Variants in TBC1D21 observed in about 807,000 individuals in gnomAD.
TBC1D21 encodes male germ cell Rab GTPase-activating protein.
TBC1D21 carries 38 observed loss-of-function variants against 46.0 expected under a neutral mutation model. The observed-to-expected ratio is 0.83, with a 90% confidence interval of 0.64 to 1.08. The LOEUF is 1.08. Ranked by LOEUF, TBC1D21 falls within the 50% of genes least tolerant of loss-of-function variation. TBC1D21 has a pLI of 0.00. For synonymous variants in TBC1D21, 151 were observed against 157.2 expected (o/e 0.96, Z 0.29); for missense variants, 415 against 417.9 (o/e 0.99, Z 0.06).
chr15:73,888,122 T>C (rs1231786878), intron 9 of TBC1D21, among the ~76,000 whole-genome samples: 1 of 152,230 alleles, frequency 6.6e-6, no homozygotes, highest in Non-Finnish European at 1.5e-5. Context: ...CTGAAGTCTT[T>C]GTTGGAAGAA....
the TBC1D21 span, among the ~76,000 whole-genome samples, chr15:73,907,574 G>A: frequency 6.6e-6 from 1 of 152,168 alleles, no homozygotes; most frequent in South Asian, 2.1e-4. Flanking sequence ...GCTAATGTGA[G>A]TTGGGCTTCT....
chr15:73,892,229 C>T (rs1213819156), downstream of TBC1D21, among the ~76,000 whole-genome samples: 1 of 152,222 alleles, frequency 6.6e-6, no homozygotes, highest in Non-Finnish European at 1.5e-5. Context: ...TAAAGCAACT[C>T]TTTGCCTTGC....
chr15:73,886,652 C>A, intron 8 of TBC1D21, 40 bp downstream of exon 8: 1 of 1,579,738 alleles, frequency 6.3e-7, no homozygotes, highest in South Asian at 1.1e-5. Context: ...TGGGCTCCAC[C>A]CATCAGGCAG....
chr15:73,878,016 A>G (rs1844308598), intron 1 of TBC1D21, among the ~76,000 whole-genome samples: 1 of 152,236 alleles, frequency 6.6e-6, no homozygotes, highest in South Asian at 2.1e-4. Flanking sequence ...CAAAGCAAGA[A>G]TGTCTTCTCT....
intron 1 of TBC1D21, among the ~76,000 whole-genome samples, chr15:73,879,543 C>T (rs1158049271): frequency 1.3e-5 from 2 of 151,942 alleles, no homozygotes; most frequent in South Asian, 2.1e-4. Flanking sequence ...TACTTTACTA[C>T]TCATGTGGTT....
the TBC1D21 span, among the ~76,000 whole-genome samples, chr15:73,899,423 C>A: frequency 6.6e-6 from 1 of 152,230 alleles, no homozygotes; most frequent in Non-Finnish European, 1.5e-5. Context: ...CCCCAGGCTG[C>A]ACTCCCAGAG....
chr15:73,884,963 C>T lies in TBC1D21; in HGVS notation c.479-40C>T, dbSNP rs777705824. ...AACCTAAGCCAAGGGTCCAGGCTCT[C>T]CCACCCAGCCCCTCCTCCCCAACCC... On this transcript the variant is annotated intron_variant, in intron 5 of 10. Coordinates refer to ENST00000300504, the MANE Select transcript of TBC1D21 (RefSeq NM_153356.3). 1.9e-6 allele frequency: 3 copies of T among 1,550,552 alleles called. No individual in the cohort carries two copies. In the African/African-American group the frequency reaches 4.1e-5, roughly 21 times the overall value.
At chr15:73,876,494 C>T (rs1461694655) in intron 1 of TBC1D21, among the ~76,000 whole-genome samples, 4 of 151,018 alleles carry the variant, frequency 2.6e-5, no homozygotes, top group African/African-American at 7.3e-5. Context: ...CCACCCGCCT[C>T]GGCCTCCCAA....
chr15:73,889,249 G>T (rs2068315928), downstream of TBC1D21: 2 of 948,690 alleles, frequency 2.1e-6, 1 homozygote, highest in African/African-American at 3.3e-5. Context: ...TTGACCTTAG[G>T]GGCTGGGACG....
At chr15:73,885,831 C>G (rs918771103) in intron 6 of TBC1D21, among the ~76,000 whole-genome samples, 1 of 151,960 alleles carries the variant, frequency 6.6e-6, no homozygotes, top group Non-Finnish European at 1.5e-5. Flanking sequence ...CACACACACA[C>G]ACACACACAC....
intron 4 of TBC1D21, 27 bp downstream of exon 4, chr15:73,884,272 G>A (rs1290378128): frequency 6.2e-7 from 1 of 1,605,670 alleles, no homozygotes; most frequent in East Asian, 2.2e-5. Context: ...GGAGAGGGCT[G>A]GGCAGAGGGA....
chr15:73,889,060 C>T lies in TBC1D21; in HGVS notation c.979-9C>T. 6.2e-7 allele frequency: 1 copy of T among 1,613,534 alleles called. No homozygotes were observed. The highest frequency in any genetic ancestry group is 8.5e-7 in the Non-Finnish European group (1 of 1,179,816). ...ATGTCTGTGCACCTCCCACCTGCCT[C>T]CTCCCTAGGTTCCTCAGACATTAAA... is the stretch of plus-strand genomic sequence containing the variant. On this transcript the variant is annotated splice_polypyrimidine_tract_variant and intron_variant, in intron 10 of 10. Coordinates refer to ENST00000300504, the MANE Select transcript of TBC1D21 (RefSeq NM_153356.3).
At chr15:73,900,491 GTCCTGCTTTC>G in the TBC1D21 span, among the ~76,000 whole-genome samples, 1 of 152,156 alleles carries the variant, frequency 6.6e-6, no homozygotes, top group African/African-American at 2.4e-5. Context: ...CCCCCTACCT[GTCCTGCTTTC>G]TCCTTCTCCC....
At position 73,882,315 on chromosome 15, in the gene TBC1D21, C is replaced by T. The variant is rs988680418; in HGVS notation, c.272+568C>T. ...AAACTTCCTGATCCTAGCTCCACAT[C>T]GCCCACTATCCCAGAGCCTGACATT... On this transcript the variant is annotated intron_variant, in intron 3 of 10. Coordinates refer to ENST00000300504, the MANE Select transcript of TBC1D21 (RefSeq NM_153356.3). 3.3e-5 allele frequency among the ~76,000 whole-genome samples: 5 copies of T among 152,332 alleles called. No homozygotes were observed. In the South Asian group the frequency reaches 6.2e-4, roughly 19 times the overall value.
the TBC1D21 span, among the ~76,000 whole-genome samples, chr15:73,897,536 T>G: frequency 1.3e-5 from 2 of 150,956 alleles, no homozygotes; most frequent in Admixed American, 6.6e-5. Context: ...AGCCACCTCC[T>G]CTTTCCTGTG....
Position 73,884,897 on chromosome 15 carries a change from C to T in TBC1D21, c.478+6C>T. 6.2e-7 allele frequency: 1 copy of T among 1,612,888 alleles called. No homozygotes were observed. The highest frequency in any genetic ancestry group is 8.5e-7 in the Non-Finnish European group (1 of 1,178,934). ...CGTCTGCAACACGCAGGCAGGTGAG[C>T]CTCAGCCTCCCCTTGTCAATGCCCT... On this transcript the variant is annotated splice_donor_region_variant and intron_variant, in intron 5 of 10. Coordinates refer to ENST00000300504, the MANE Select transcript of TBC1D21 (RefSeq NM_153356.3).
chr15:73,884,977 C>CAA, intron 5 of TBC1D21, 26 bp from the exon 6 acceptor site: 1 of 1,570,082 alleles, frequency 6.4e-7, no homozygotes, highest in Non-Finnish European at 8.8e-7. Flanking sequence ...CCCAGCCCCT[C>CAA]CTCCCCAACC....
intron 1 of TBC1D21, among the ~76,000 whole-genome samples, chr15:73,874,566 C>A (rs1464215401): frequency 6.6e-6 from 1 of 152,164 alleles, no homozygotes. Context: ...TTGTCACTTG[C>A]CTACAGTCAC....
At chr15:73,879,871 C>T (rs1319530753) in intron 1 of TBC1D21, among the ~76,000 whole-genome samples, 3 of 84,850 alleles carry the variant, frequency 3.5e-5, no homozygotes, top group Admixed American at 3.1e-4. Flanking sequence ...GGAACCCTCA[C>T]TCCTGTTGTT....
Sources: allele counts gnomAD v4.1 joint callset (sites outside exome capture counted in the v4.1 genomes callset), GRCh38; gene constraint gnomAD v4.1.1; transcripts MANE v1.5; gene names NCBI Gene and HGNC (gene_info 2026-07-23, HGNC 2026-07-21).